ADAMTS14: variants seen among roughly 807,000 people sequenced by gnomAD.
ADAMTS14 encodes the protein A disintegrin and metalloproteinase with thrombospondin motifs 14.
A neutral mutation model predicts 128.6 loss-of-function variants in ADAMTS14; 100 were observed. That is an observed-to-expected ratio of 0.78 (90% CI 0.66 to 0.92). ADAMTS14 has a LOEUF of 0.92. Ranked by LOEUF, ADAMTS14 falls within the 40% of genes least tolerant of loss-of-function variation. ADAMTS14 has a pLI of 0.00. For missense variants in ADAMTS14, 1,562 were observed against 1,658.6 expected, an observed-to-expected ratio of 0.94 and a Z score of 1.01; for synonymous variants, 665 against 653.8, an observed-to-expected ratio of 1.02 and a Z score of -0.26.
chr10:70,694,270 C>T (rs991173280), intron 2 of ADAMTS14, among the ~76,000 whole-genome samples: 14 of 152,350 alleles, frequency 9.2e-5, no homozygotes, highest in Non-Finnish European at 1.5e-4. Context: ...CTGTGTGAGT[C>T]GTCCCTTTGT....
intron 4 of ADAMTS14, among the ~76,000 whole-genome samples, chr10:70,725,749 A>G (rs1234583515): frequency 6.6e-6 from 1 of 152,148 alleles, no homozygotes; most frequent in Non-Finnish European, 1.5e-5. Context: ...TTCAGACCAA[A>G]GCAGTTGACT....
intron 2 of ADAMTS14, among the ~76,000 whole-genome samples, chr10:70,700,597 C>T (rs1020779609): frequency 6.6e-5 from 10 of 152,114 alleles, no homozygotes; most frequent in Admixed American, 2.6e-4. Flanking sequence ...CTCTCACTTC[C>T]AGTCTTAGCC....
intron 19 of ADAMTS14, among the ~76,000 whole-genome samples, chr10:70,756,040 GA>G (rs1842472668): frequency 6.6e-6 from 1 of 152,060 alleles, no homozygotes; most frequent in African/African-American, 2.4e-5. Flanking sequence ...TATACAACAA[GA>G]AAAATGAACA....
chr10:70,734,874 G>C (rs1031263134), intron 8 of ADAMTS14, among the ~76,000 whole-genome samples: 1 of 152,190 alleles, frequency 6.6e-6, no homozygotes, highest in Non-Finnish European at 1.5e-5. Flanking sequence ...GTCCCTCTAA[G>C]GTGGGCAAAA....
Position 70,729,392 on chromosome 10 carries a change from C to A in ADAMTS14, c.954+15C>A. 1 of 1,610,112 alleles carries A rather than the reference C, an allele frequency of 6.2e-7. No individual in the cohort carries two copies. The highest frequency in any genetic ancestry group is 2.2e-5 in the East Asian group (1 of 44,828). On this transcript the variant is annotated intron_variant, in intron 5 of 21. Coordinates refer to ENST00000373207, the MANE Select transcript of ADAMTS14 (RefSeq NM_080722.4). ...GCTACCGACAGGTAAACCACCTTGT[C>A]AGCAGGCAGGGTTTGCGGGGAGAAG...
Position 70,745,255 on chromosome 10 carries a change from GGTGCCAGGCAC to G in ADAMTS14, c.2213_2223del (p.Gly738AspfsTer4). The G allele has an allele frequency of 6.2e-7, 1 of 1,612,566 alleles. No homozygotes were observed. Among genetic ancestry groups the G allele is most frequent in the Non-Finnish European group, 8.5e-7 (1 of 1,179,984 alleles). The stretch of plus-strand genomic sequence containing the variant: ...TCTCAAGCTGGTGCAGATCCCAGCA[GGTGCCAGGCAC>G]ATCCAGATTGAGGCACTGGAGAAGT... On this transcript the variant is annotated frameshift_variant, in exon 15 of 22. Transcript: ENST00000373207.
chr10:70,677,519 C>T (rs1839682151), intron 2 of ADAMTS14, among the ~76,000 whole-genome samples: 1 of 152,128 alleles, frequency 6.6e-6, no homozygotes, highest in African/African-American at 2.4e-5. Context: ...CTTCTGGAGG[C>T]TTGCTGGGTA....
At position 70,689,218 on chromosome 10, in the gene ADAMTS14, C is replaced by T. The variant is rs554273424; in HGVS notation, c.523-13094C>T. On this transcript the variant is annotated intron_variant, in intron 2 of 21. Transcript: ENST00000373207. ...ATCCACGGCCACAGTTTTGGGGAAG[C>T]GGATCTCTCACAAGGGTGGTATACC... 1.3e-4 allele frequency among the ~76,000 whole-genome samples: 19 copies of T among 144,664 alleles called. 1 individual carries two copies. Among genetic ancestry groups the T allele is most frequent in the African/African-American group, 3.9e-4 (16 of 41,008 alleles). 94.9% of individuals were successfully genotyped at this position (144,664 alleles called of 152,430 possible).
chr10:70,732,158 C>T (rs780762008), intron 6 of ADAMTS14, 96 bp from the exon 7 acceptor site: 104 of 1,073,128 alleles, frequency 9.7e-5, no homozygotes, highest in Non-Finnish European at 1.4e-4. Flanking sequence ...CCACTCCAAG[C>T]ACTGACCAGA....
chr10:70,730,845 GA>G (rs1044511981), intron 6 of ADAMTS14, among the ~76,000 whole-genome samples: 1 of 152,114 alleles, frequency 6.6e-6, no homozygotes, highest in Non-Finnish European at 1.5e-5. Flanking sequence ...ATGCAGCTTT[GA>G]TACCCATATG....
At position 70,730,116 on chromosome 10, in the gene ADAMTS14, C is replaced by G. The variant is rs57511311; in HGVS notation, c.969C>G (p.Ile323Met). ...GGCCCCTGCAGTCCCTGAGCCTGAT[C>G]GAGCGCGGGAACCCCTCACGCAGCC... ...MVGYRQSLSL[I>M]ERGNPSRSLE... The change falls in exon 6 of 22, where the codon ATC (isoleucine) becomes ATG (methionine). Residue 323 changes from isoleucine (I) to methionine (M), a missense_variant. Coordinates refer to ENST00000373207, the MANE Select transcript of ADAMTS14 (RefSeq NM_080722.4). 6.2e-7 allele frequency: 1 copy of G among 1,605,566 alleles called. No individual in the cohort carries two copies. Among genetic ancestry groups the G allele is most frequent in the South Asian group, 1.1e-5 (1 of 90,860 alleles).
rs142079052 is a variant in ADAMTS14 at position 70,745,258 on chromosome 10, G to A, written c.2215G>A (p.Ala739Thr). 4.0e-5 allele frequency: 65 copies of A among 1,612,450 alleles called. No individual in the cohort carries two copies. Among genetic ancestry groups the A allele is most frequent in the Non-Finnish European group, 5.5e-5 (65 of 1,179,998 alleles). The change falls in exon 15 of 22, where the codon GCC becomes ACC. Residue 739 changes from alanine to threonine, a missense_variant. Ala to Thr is a moderately conservative substitution (Grantham distance 58, BLOSUM62 0). Coordinates refer to ENST00000373207, the MANE Select transcript of ADAMTS14 (RefSeq NM_080722.4). The part of the protein sequence containing the change: ...ALKLVQIPAG[A>T]RHIQIEALEK... ...CAAGCTGGTGCAGATCCCAGCAGGTGCCAGGCACATCCAGATTGAGGCACT... is the reference window on the plus strand; with the variant it reads ...CAAGCTGGTGCAGATCCCAGCAGGTACCAGGCACATCCAGATTGAGGCACT...
At chr10:70,724,626 C>T (rs1371253356) in intron 4 of ADAMTS14, among the ~76,000 whole-genome samples, 3 of 152,188 alleles carry the variant, frequency 2.0e-5, no homozygotes, top group Non-Finnish European at 4.4e-5. Context: ...GTCCAGCCAC[C>T]TTCTTGGCCT....
rs750916602 is a variant in ADAMTS14 at position 70,732,228 on chromosome 10, C to T, written c.1103-26C>T. 5 of 1,590,496 alleles carry T rather than the reference C, an allele frequency of 3.1e-6. No individual in the cohort carries two copies. The South Asian group carries it at 5.5e-5, about 18-fold the overall frequency. ...CCTCACCTGCCCTCCACCTCGCTCT[C>T]CACCTTTTCTTTCTCTCTTCGGCAG... On this transcript the variant is annotated intron_variant, in intron 6 of 21. Coordinates refer to ENST00000373207, the MANE Select transcript of ADAMTS14 (RefSeq NM_080722.4).
intron 3 of ADAMTS14, among the ~76,000 whole-genome samples, chr10:70,704,548 C>T (rs1237261614): frequency 1.3e-5 from 2 of 150,770 alleles, no homozygotes; most frequent in African/African-American, 4.9e-5. Flanking sequence ...CATAGACACA[C>T]ACCATCTATA....
At chr10:70,757,430 C>G (rs1380666704) in intron 19 of ADAMTS14, among the ~76,000 whole-genome samples, 2 of 152,178 alleles carry the variant, frequency 1.3e-5, no homozygotes, top group Non-Finnish European at 2.9e-5. Flanking sequence ...GCCCAGCTCT[C>G]TGTTTACAGA....
At position 70,705,156 on chromosome 10, in the gene ADAMTS14, C is replaced by A. The variant is rs572775469; in HGVS notation, c.679+2688C>A. ...CCCAAGGCTTTGGTGAGAAATTGAACCGTTCAGAGTCCAGGGGCAGGAATT... is the reference window on the plus strand; with the variant it reads ...CCCAAGGCTTTGGTGAGAAATTGAAACGTTCAGAGTCCAGGGGCAGGAATT... On this transcript the variant is annotated intron_variant, in intron 3 of 21. Coordinates refer to ENST00000373207, the MANE Select transcript of ADAMTS14 (RefSeq NM_080722.4). 1.7e-3 allele frequency among the ~76,000 whole-genome samples: 253 copies of A among 152,314 alleles called. 1 individual carries two copies. Among genetic ancestry groups the A allele is most frequent in the African/African-American group, 5.7e-3 (235 of 41,572 alleles).
chr10:70,673,264 G>GGT (rs144103256), intron 1 of ADAMTS14, among the ~76,000 whole-genome samples: 3,778 of 123,004 alleles, frequency 0.031, 147 homozygotes, highest in African/African-American at 0.091. Context: ...GGGTGCAAGG[G>GGT]GTGTGTGTGT....
At chr10:70,716,476 G>T (rs1841048603) in intron 4 of ADAMTS14, among the ~76,000 whole-genome samples, 1 of 152,206 alleles carries the variant, frequency 6.6e-6, no homozygotes, top group African/African-American at 2.4e-5. Flanking sequence ...GCAGAGGACG[G>T]ACAGTCAAAC....
Sources: allele counts gnomAD v4.1 joint callset (sites outside exome capture counted in the v4.1 genomes callset), GRCh38; gene constraint gnomAD v4.1.1; transcripts MANE v1.5; gene names NCBI Gene and HGNC (gene_info 2026-07-23, HGNC 2026-07-21).